The following SYTL2 variants were observed in gnomAD, a reference collection of about 807,000 sequenced individuals.
SYTL2 encodes the protein synaptotagmin like 2.
SYTL2 carries 165 observed loss-of-function variants against 198.7 expected under a neutral mutation model. The observed-to-expected ratio is 0.83, with a 90% CI of 0.73 to 0.94. The LOEUF is 0.94. Ranked by LOEUF, SYTL2 falls within the 40% of genes least tolerant of loss-of-function variation. The pLI is 0.00. For synonymous variants in SYTL2, 966 were observed against 917.7 expected, an observed-to-expected ratio of 1.05 and a Z score of -0.95; for missense variants, 2,835 against 2,582.8, an observed-to-expected ratio of 1.10 and a Z score of -2.12.
intron 5 of SYTL2, 100 bp downstream of exon 5, chr11:85,737,475 T>G: frequency 1.1e-6 from 1 of 889,020 alleles, no homozygotes; most frequent in South Asian, 1.6e-5. Context: ...ACCAAAAAAC[T>G]GTACTACAAA....
intron 19 of SYTL2, 100 bp downstream of exon 19, chr11:85,696,083 T>C (rs1327561068): frequency 5.6e-6 from 5 of 898,084 alleles, no homozygotes; most frequent in Non-Finnish European, 8.9e-6. Context: ...GTTTTCAGGA[T>C]ATCTCGGTTT....
intron 9 of SYTL2, 116 bp from the exon 10 acceptor site, chr11:85,718,959 G>C: frequency 6.5e-7 from 1 of 1,543,698 alleles, no homozygotes; most frequent in South Asian, 1.2e-5. Flanking sequence ...ATGCAATGAG[G>C]GGTGCAACCA....
At chr11:85,716,654 G>A (rs1359987671) in intron 11 of SYTL2, 1 of 151,062 alleles carries the variant, frequency 6.6e-6, no homozygotes, top group Non-Finnish European at 1.5e-5. Flanking sequence ...CCAGTGCCTA[G>A]GGTTTATGAA....
chr11:85,725,402 C>T lies in SYTL2; in HGVS notation c.3956G>A (p.Gly1319Asp). Residue 1319 changes from glycine (G) to aspartate (D), a missense_variant, in exon 8 of 20, where the codon GGT (glycine) becomes GAT (aspartate). Physicochemically the swap from Gly to Asp is moderately conservative, Grantham distance 94. Coordinates refer to ENST00000359152, the MANE Select transcript of SYTL2 (RefSeq NM_206927.4). ...LDPTSQLSRKGSFGDVASPPQ... is the reference protein window; with the variant it reads ...LDPTSQLSRKDSFGDVASPPQ... ...AGGGCTGGCCACATCCCCAAAAGAA[C>T]CCTTTCTGGAAAGCTGGGAAGTTGG... 1.9e-6 allele frequency: 3 copies of T among 1,614,048 alleles called. No individual in the cohort carries two copies. Among genetic ancestry groups the T allele is most frequent in the Non-Finnish European group, 2.5e-6 (3 of 1,180,002 alleles).
chr11:85,827,255 C>T, the SYTL2 span, among the ~76,000 whole-genome samples: 3 of 152,172 alleles, frequency 2.0e-5, no homozygotes, highest in Non-Finnish European at 2.9e-5. Context: ...TCCCCAAGGC[C>T]CTCTGAGGCC....
intron 11 of SYTL2, chr11:85,716,144 A>G (rs567429824): frequency 2.6e-5 from 4 of 152,314 alleles, no homozygotes; most frequent in Non-Finnish European, 5.9e-5. Context: ...AAAGATACAG[A>G]TATTTAGGCA....
the SYTL2 span, among the ~76,000 whole-genome samples, chr11:85,823,036 T>G: frequency 1.5e-3 from 229 of 152,348 alleles, no homozygotes; most frequent in African/African-American, 5.2e-3. Context: ...TCATGGAACA[T>G]TGGTTGCTTT....
the SYTL2 span, chr11:85,854,318 C>A: frequency 1.3e-5 from 2 of 149,276 alleles, no homozygotes; most frequent in East Asian, 3.9e-4. Context: ...CCGTTCAAAG[C>A]CAGTGTCAAG....
At chr11:85,708,836 G>GTTTT (rs1565873217) in intron 14 of SYTL2, among the ~76,000 whole-genome samples, 14 of 64,250 alleles carry the variant, frequency 2.2e-4, no homozygotes, top group African/African-American at 9.3e-4. Flanking sequence ...GCTTCTCTGT[G>GTTTT]ATTTTTTTTT....
chr11:85,722,747 A>T (rs986593469), intron 8 of SYTL2, among the ~76,000 whole-genome samples: 7 of 151,924 alleles, frequency 4.6e-5, no homozygotes, highest in Non-Finnish European at 8.8e-5. Context: ...TAGAGATTTA[A>T]TTAGAGATTT....
chr11:85,795,494 A>C (rs2092790733), intron 1 of SYTL2, among the ~76,000 whole-genome samples: 1 of 152,064 alleles, frequency 6.6e-6, no homozygotes, highest in Non-Finnish European at 1.5e-5. Flanking sequence ...GTGTACCAAA[A>C]ATTTATTTGT....
chr11:85,705,727 C>T (rs529919171), intron 15 of SYTL2, among the ~76,000 whole-genome samples: 2 of 152,292 alleles, frequency 1.3e-5, no homozygotes, highest in Non-Finnish European at 2.9e-5. Flanking sequence ...TCATGATGTA[C>T]TACTTGAATG....
At position 85,794,234 on chromosome 11, in the gene SYTL2, A is replaced by G. The variant is rs528344048; in HGVS notation, c.-390+16720T>C. On this transcript the variant is annotated intron_variant, in intron 1 of 19. Coordinates refer to ENST00000359152, the MANE Select transcript of SYTL2 (RefSeq NM_206927.4). ...CTTTCTGTCACCCAGGCTGAAGTGCAACAGCACAGTTATGGCTCACTGTAA... is the reference window on the plus strand; with the variant it reads ...CTTTCTGTCACCCAGGCTGAAGTGCGACAGCACAGTTATGGCTCACTGTAA... 2.6e-5 allele frequency among the ~76,000 whole-genome samples: 4 copies of G among 152,240 alleles called. No individual in the cohort carries two copies. In the East Asian group the frequency reaches 7.7e-4, roughly 29 times the overall value.
chr11:85,843,229 G>A, the SYTL2 span, among the ~76,000 whole-genome samples: 2 of 152,122 alleles, frequency 1.3e-5, no homozygotes. Context: ...CAAATTGGGT[G>A]TGCTGACACA....
chr11:85,825,163 C>T, the SYTL2 span, among the ~76,000 whole-genome samples: 1 of 152,004 alleles, frequency 6.6e-6, no homozygotes, highest in South Asian at 2.1e-4. Context: ...CCGAGGCGGG[C>T]GGATCACGAG....
chr11:85,767,692 T>A (rs1175642303), intron 1 of SYTL2, among the ~76,000 whole-genome samples: 1 of 152,158 alleles, frequency 6.6e-6, no homozygotes, highest in East Asian at 1.9e-4. Context: ...ATTAGCATCA[T>A]CTGAAAAGAT....
In SYTL2 at chr11:85,757,830, A is replaced by G; in HGVS notation, c.-105T>C. 1.3e-6 allele frequency: 2 copies of G among 1,529,836 alleles called. No individual in the cohort carries two copies. Among genetic ancestry groups the G allele is most frequent in the Non-Finnish European group, 1.8e-6 (2 of 1,127,434 alleles). The allele number at this position is 1,529,836 out of a possible 1,614,324, so 94.8% of individuals were successfully genotyped here. A position where few individuals can be genotyped will look rare whatever the true frequency, so the allele number is the denominator to read the frequency against. On this transcript the variant is annotated 5_prime_UTR_variant, in exon 2 of 20. Coordinates refer to ENST00000359152, the MANE Select transcript of SYTL2 (RefSeq NM_206927.4). ...GAAGATTAAAACACACAAAAATGAA[A>G]TATCTTGTTCAGTTCTGCATCAAAG...
Position 85,726,152 on chromosome 11 carries a change from A to C in SYTL2, c.3206T>G (p.Phe1069Cys). Residue 1069 changes from phenylalanine to cysteine, a missense_variant, in exon 8 of 20, where the codon TTT becomes TGT. By Grantham distance (205) the Phe-to-Cys change is radical (BLOSUM62 -2). This residue lies in a region of SYTL2 where 2,645 missense variants were observed against 2,381.7 expected (regional missense o/e 1.11). Transcript: ENST00000359152. ...ILQVLPDEIT[F>C]PLSPLRKYTY... ...ATACTTTCTAAGTGGACTCAAAGGA[A>C]ATGTGATTTCATCTGGTAGCACCTG... The C allele has an allele frequency of 6.2e-7, 1 of 1,614,076 alleles. No homozygotes were observed. Among genetic ancestry groups the C allele is most frequent in the Non-Finnish European group, 8.5e-7 (1 of 1,179,986 alleles).
chr11:85,830,152 A>G, the SYTL2 span, among the ~76,000 whole-genome samples: 2 of 152,216 alleles, frequency 1.3e-5, no homozygotes, highest in Admixed American at 1.3e-4. Flanking sequence ...GGCTTGGCAC[A>G]GATTTTTGAG....
Sources: gnomAD v4.1 joint callset for allele counts (sites outside exome capture counted in the v4.1 genomes callset) on GRCh38, gnomAD v4.1.1 for gene constraint, gnomAD v4.1.1 regional missense constraint, MANE v1.5 for transcripts, NCBI Gene and HGNC (gene_info 2026-07-23, HGNC 2026-07-21) for gene names.